PGBD2: variants seen among roughly 807,000 people sequenced by gnomAD.
PGBD2 encodes piggyBac transposable element derived 2, also known as piggyBac transposable element-derived protein 2.
In PGBD2, 6 loss-of-function variants were observed where a neutral mutation model predicts 8.1. The ratio of observed to expected loss-of-function variants is 0.74; its 90% CI spans 0.40 to 1.46. The LOEUF (loss-of-function observed/expected upper bound fraction) is 1.46. Among genes scored for constraint, PGBD2 ranks in the 40% most tolerant of loss-of-function variants. The pLI is 0.02. For missense variants in PGBD2, 802 were observed against 739.0 expected (o/e 1.09, Z -0.99); for synonymous variants, 318 against 272.2 (o/e 1.17, Z -1.66).
chr1:248,919,202 T>A (rs1205640470), downstream of PGBD2: 1 of 167,060 alleles, frequency 6.0e-6, no homozygotes, highest in Non-Finnish European at 1.5e-5. Context: ...TATTTTTTCA[T>A]ACCCATTAAC....
chr1:248,893,366 A>T, the PGBD2 span, among the ~76,000 whole-genome samples: 1 of 152,176 alleles, frequency 6.6e-6, no homozygotes, highest in South Asian at 2.1e-4. Flanking sequence ...ATTGAATAAC[A>T]ACTCCCCATA....
At chr1:248,899,736 G>A in the PGBD2 span, among the ~76,000 whole-genome samples, 1 of 149,500 alleles carries the variant, frequency 6.7e-6, no homozygotes, top group Non-Finnish European at 1.5e-5. Flanking sequence ...TAGAAATAAA[G>A]GTGATAGAGA....
At chr1:248,901,943 A>G (rs1661541188), upstream of PGBD2, among the ~76,000 whole-genome samples, 1 of 152,226 alleles carries the variant, frequency 6.6e-6, no homozygotes, top group African/African-American at 2.4e-5. Context: ...CCCATTAAAA[A>G]CATCATTGAT....
At chr1:248,927,609 C>A in the PGBD2 span, among the ~76,000 whole-genome samples, 1 of 152,168 alleles carries the variant, frequency 6.6e-6, no homozygotes, top group South Asian at 2.1e-4. Flanking sequence ...GTGGCTGTGT[C>A]ACATTACAAC....
chr1:248,915,712 C>T (rs1453382475), intron 2 of PGBD2, among the ~76,000 whole-genome samples: 1 of 152,202 alleles, frequency 6.6e-6, no homozygotes, highest in Non-Finnish European at 1.5e-5. Context: ...ATTGATTTGG[C>T]TTCTGAATTG....
chr1:248,917,893 C>T lies in PGBD2; in HGVS notation c.1309C>T (p.His437Tyr). 6.2e-7 allele frequency: 1 copy of T among 1,614,230 alleles called. No homozygotes were observed. Among genetic ancestry groups the T allele is most frequent in the Non-Finnish European group, 8.5e-7 (1 of 1,180,036 alleles). The change falls in exon 3 of 3, where the codon CAC (histidine) becomes TAC (tyrosine). Residue 437 changes from histidine (H) to tyrosine (Y), a missense_variant. By Grantham distance (83) the His-to-Tyr change is moderately conservative. Coordinates refer to ENST00000329291, the MANE Select transcript of PGBD2 (RefSeq NM_170725.3). ...GIEPVRLTSRHSGAAKTRTQV... is the reference protein window; with the variant it reads ...GIEPVRLTSRYSGAAKTRTQV... ...AGAGCCAGTGAGGCTGACCAGTCGT[C>T]ACTCTGGAGCAGCTAAAACGCGGAC...
At chr1:248,877,963 G>A in the PGBD2 span, among the ~76,000 whole-genome samples, 1 of 152,212 alleles carries the variant, frequency 6.6e-6, no homozygotes, top group Non-Finnish European at 1.5e-5. Flanking sequence ...AAGAAACAGT[G>A]TAGCACCAAT....
At chr1:248,874,301 T>C in the PGBD2 span, among the ~76,000 whole-genome samples, 3 of 152,302 alleles carry the variant, frequency 2.0e-5, no homozygotes, top group South Asian at 6.2e-4. Flanking sequence ...CGGCCCGGGT[T>C]CGATTCCCGG....
chr1:248,916,749 T>C lies in PGBD2; in HGVS notation c.165T>C (p.Thr55=). The C allele has an allele frequency of 2.5e-6, 4 of 1,614,126 alleles. No homozygotes were observed. The highest frequency in any genetic ancestry group is 2.2e-5 in the East Asian group (1 of 44,890). Residue 55 remains threonine (T), a synonymous_variant, in exon 3 of 3, where the codon ACT becomes ACC. Coordinates refer to ENST00000329291, the MANE Select transcript of PGBD2 (RefSeq NM_170725.3). The part of the protein sequence containing the change: ...APPDNAAGEF[T]DEDSGDEDSQ... ...CCGACAATGCTGCGGGGGAATTCAC[T>C]GATGAGGACTCAGGGGATGAAGACA...
chr1:248,899,535 G>C, the PGBD2 span, among the ~76,000 whole-genome samples: 3 of 152,082 alleles, frequency 2.0e-5, no homozygotes, highest in Admixed American at 2.0e-4. Flanking sequence ...GAAGTTCTTT[G>C]AAGCCAATGA....
At chr1:248,882,540 A>T in the PGBD2 span, among the ~76,000 whole-genome samples, 10 of 152,310 alleles carry the variant, frequency 6.6e-5, no homozygotes, top group African/African-American at 2.4e-4. Flanking sequence ...TAGACCAGAA[A>T]TTCTCAGAAG....
the PGBD2 span, among the ~76,000 whole-genome samples, chr1:248,928,478 C>G: frequency 6.6e-6 from 1 of 152,208 alleles, no homozygotes; most frequent in South Asian, 2.1e-4. Context: ...CCAAATGCTT[C>G]TGTTTCTAGC....
chr1:248,921,689 G>A (rs991543305), downstream of PGBD2, among the ~76,000 whole-genome samples: 2 of 152,152 alleles, frequency 1.3e-5, no homozygotes, highest in East Asian at 1.9e-4. Flanking sequence ...GTGTTAGCTC[G>A]ATGTGGATCG....
the PGBD2 span, among the ~76,000 whole-genome samples, chr1:248,875,779 G>A: frequency 6.6e-6 from 1 of 152,140 alleles, no homozygotes; most frequent in East Asian, 1.9e-4. Context: ...TTTCCACAAT[G>A]TTTAAAACAA....
downstream of PGBD2, among the ~76,000 whole-genome samples, chr1:248,922,859 C>T (rs1311029485): frequency 6.6e-6 from 1 of 152,094 alleles, no homozygotes. Context: ...CTCGGTTTGC[C>T]AGTATTTTGT....
At chr1:248,905,981 A>G (rs968849687), upstream of PGBD2, among the ~76,000 whole-genome samples, 9 of 151,900 alleles carry the variant, frequency 5.9e-5, no homozygotes, top group Non-Finnish European at 8.8e-5. Flanking sequence ...GAAAGTCCCC[A>G]TGCTCTCCTG....
Position 248,916,907 on chromosome 1 carries a change from C to G in PGBD2, c.323C>G (p.Pro108Arg), listed in dbSNP as rs1168049614. The G allele has an allele frequency of 6.2e-7, 1 of 1,613,900 alleles. No homozygotes were observed. Among genetic ancestry groups the G allele is most frequent in the Non-Finnish European group, 8.5e-7 (1 of 1,180,014 alleles). The stretch of plus-strand genomic sequence containing the variant: ...AAGAGGCAGAAAGCAGTTGTGAAAC[C>G]TCAGCGCATTTGGACCAAAAGAGAT... ...AKKRQKAVVK[P>R]QRIWTKRDIR... Residue 108 changes from proline (P) to arginine (R), a missense_variant, in exon 3 of 3, where the codon CCT (proline) becomes CGT (arginine). Transcript: ENST00000329291.
Position 248,917,372 on chromosome 1 carries a change from A to G in PGBD2, c.788A>G (p.Glu263Gly), listed in dbSNP as rs1348161198. ...NCNFQKHAPLEEFYSFGESMC... is the reference protein window; with the variant it reads ...NCNFQKHAPLGEFYSFGESMC... ...AATTTCCAGAAGCATGCACCCTTGG[A>G]AGAGTTCTACAGCTTTGGCGAGTCT... The change falls in exon 3 of 3, where the codon GAA becomes GGA. Residue 263 changes from glutamate to glycine, a missense_variant. By Grantham distance (98) the Glu-to-Gly change is moderately conservative (BLOSUM62 -2). Transcript: ENST00000329291. 6.2e-7 allele frequency: 1 copy of G among 1,614,158 alleles called. No individual in the cohort carries two copies. The highest frequency in any genetic ancestry group is 1.7e-5 in the Admixed American group (1 of 60,024).
the PGBD2 span, among the ~76,000 whole-genome samples, chr1:248,876,714 T>C: frequency 6.6e-6 from 1 of 152,242 alleles, no homozygotes; most frequent in Non-Finnish European, 1.5e-5. Flanking sequence ...GTATTTATTT[T>C]AGTTCCTAGT....
Sources: gnomAD v4.1 joint callset for allele counts (sites outside exome capture counted in the v4.1 genomes callset) on GRCh38, gnomAD v4.1.1 for gene constraint, MANE v1.5 for transcripts, NCBI Gene and HGNC (gene_info 2026-07-23, HGNC 2026-07-21) for gene names.